The following ZNF274 variants were observed in gnomAD, a reference collection of about 807,000 sequenced individuals.
ZNF274 encodes zinc finger protein 274.
In ZNF274, 23 loss-of-function variants were observed where a neutral mutation model predicts 42.5. The ratio of observed to expected loss-of-function variants is 0.54; its 90% CI spans 0.39 to 0.77. The LOEUF (loss-of-function observed/expected upper bound fraction) is 0.77. Ranked by LOEUF, ZNF274 falls within the 30% of genes least tolerant of loss-of-function variation. The pLI is 0.00. For synonymous variants in ZNF274, 292 were observed against 305.4 expected (o/e 0.96, Z 0.46); for missense variants, 679 against 806.5 (o/e 0.84, Z 1.91).
intron 4 of ZNF274, among the ~76,000 whole-genome samples, chr19:58,190,162 T>TC (rs1186013165): frequency 6.6e-6 from 1 of 150,746 alleles, no homozygotes; most frequent in African/African-American, 2.4e-5. Context: ...TTTTTTTTTT[T>TC]TTTTTTGAGA....
intron 4 of ZNF274, among the ~76,000 whole-genome samples, chr19:58,191,219 C>G (rs1468968820): frequency 6.6e-6 from 1 of 152,208 alleles, no homozygotes; most frequent in East Asian, 1.9e-4. Context: ...CTCACTGTAA[C>G]CTCTGCCTCC....
intron 4 of ZNF274, among the ~76,000 whole-genome samples, chr19:58,190,018 G>A (rs1265215001): frequency 6.6e-6 from 1 of 151,796 alleles, no homozygotes; most frequent in African/African-American, 2.4e-5. Flanking sequence ...AGCTGCTTGG[G>A]AGGCTGAGGC....
chr19:58,212,632 G>A lies in ZNF274; in HGVS notation c.1451G>A (p.Cys484Tyr), dbSNP rs763778810. The A allele has an allele frequency of 9.9e-6, 16 of 1,614,046 alleles. No individual in the cohort carries two copies. Among genetic ancestry groups the A allele is most frequent in the Non-Finnish European group, 1.3e-5 (15 of 1,179,898 alleles). The change falls in exon 8 of 8, where the codon TGT becomes TAT. Residue 484 changes from cysteine (C) to tyrosine (Y), a missense_variant. Cys to Tyr is a radical substitution (Grantham distance 194). Around this residue, in one of 2 missense-constraint regions of ZNF274, gnomAD observed 456 missense variants for 590.1 expected, o/e 0.77. Coordinates refer to ENST00000617501, the MANE Select transcript of ZNF274 (RefSeq NM_133502.3). The surrounding 1 kb of genome is among the most constrained non-coding windows in gnomAD (Gnocchi z 4.6). ...CAAAAGGCCAAGGAAGGCAATGGTTGTAGGAAAACCTTCAGTCGGAGTACT... is the reference window on the plus strand; with the variant it reads ...CAAAAGGCCAAGGAAGGCAATGGTTATAGGAAAACCTTCAGTCGGAGTACT... ...ERQKAKEGNGCRKTFSRSTKQ... is the reference protein window; with the variant it reads ...ERQKAKEGNGYRKTFSRSTKQ...
intron 4 of ZNF274, among the ~76,000 whole-genome samples, chr19:58,200,728 C>T (rs908962339): frequency 2.0e-5 from 3 of 152,292 alleles, no homozygotes; most frequent in African/African-American, 7.2e-5. Context: ...GCGTCAAGGA[C>T]ATGAAATAAC....
chr19:58,183,749 A>G, intron 1 of ZNF274, 172 bp from the exon 2 acceptor site: 10 of 495,214 alleles, frequency 2.0e-5, no homozygotes, highest in Admixed American at 7.5e-5. Context: ...CGGGGAGGGG[A>G]AAACTGGTCC....
rs916539509 is a variant in ZNF274, at chr19:58,207,552, A to G, written c.739+350A>G. Among the ~76,000 whole-genome samples the G allele has an allele frequency of 2.0e-5, 3 of 152,208 alleles. No individual in the cohort carries two copies. Among genetic ancestry groups the G allele is most frequent in the African/African-American group, 7.2e-5 (3 of 41,452 alleles). ...AGGAGAGACAGGGATTTGACAAATG[A>G]GAATGCATAGAAAAATGCTGGGACT... is the stretch of plus-strand genomic sequence containing the variant. On this transcript the variant is annotated intron_variant, in intron 5 of 7. Transcript: ENST00000617501. This position sits in a 1 kb window ranked among gnomAD's most constrained non-coding sequence, Gnocchi z 5.6.
chr19:58,187,542 C>T (rs1447397789), intron 4 of ZNF274, among the ~76,000 whole-genome samples: 1 of 152,080 alleles, frequency 6.6e-6, no homozygotes, highest in Non-Finnish European at 1.5e-5. Context: ...CGACCTCAGC[C>T]TTCCAGGTAG....
At chr19:58,183,650 A>G (rs1422615759) in intron 1 of ZNF274, 1 of 284,836 alleles carries the variant, frequency 3.5e-6, no homozygotes, top group Non-Finnish European at 6.7e-6. Flanking sequence ...GCCGCGGTGG[A>G]GAGAACAGAT....
chr19:58,200,831 G>A (rs1213623708), intron 4 of ZNF274, among the ~76,000 whole-genome samples: 1 of 152,142 alleles, frequency 6.6e-6, no homozygotes, highest in Non-Finnish European at 1.5e-5. Context: ...ATGAAGATAA[G>A]AGATTTAATT....
At position 58,189,677 on chromosome 19, in the gene ZNF274, C is replaced by T. The variant is rs80163911; in HGVS notation, c.256+2635C>T. Among the ~76,000 whole-genome samples the T allele has an allele frequency of 6.3e-3, 952 of 152,232 alleles. 11 individuals are homozygous for T. The highest frequency in any genetic ancestry group is 0.022 in the African/African-American group (922 of 41,534). ...CTATTTCTCCAGATGAACACTTATT[C>T]TCAGCTTGTCAGTGTTCATTGAGAA... On this transcript the variant is annotated intron_variant, in intron 4 of 7. Transcript: ENST00000617501.
chr19:58,187,069 AC>A (rs1355305461), intron 4 of ZNF274, 27 bp downstream of exon 4: 3 of 1,586,434 alleles, frequency 1.9e-6, no homozygotes, highest in Non-Finnish European at 2.6e-6. Flanking sequence ...GGAAGCCCCC[AC>A]AGGGAAGGGG....
At chr19:58,184,824 TAAGA>T (rs1372943356) in intron 2 of ZNF274, 1 of 152,038 alleles carries the variant, frequency 6.6e-6, no homozygotes, top group Non-Finnish European at 1.5e-5. Flanking sequence ...TTCAAATGAA[TAAGA>T]AATAGGGGGC....
chr19:58,211,903 A>G lies in ZNF274; in HGVS notation c.979+217A>G, dbSNP rs1240649176. ...CCGGTGAAGGAGTGATTTGCTATCT[A>G]TCTCCTGAGGGAGTATGAGAGAACA... On this transcript the variant is annotated intron_variant, in intron 7 of 7. Transcript: ENST00000617501. This position sits in a 1 kb window ranked among gnomAD's most constrained non-coding sequence, Gnocchi z 4.8. Among the ~76,000 whole-genome samples the G allele has an allele frequency of 2.6e-5, 4 of 152,176 alleles. No individual in the cohort carries two copies. Among genetic ancestry groups the G allele is most frequent in the African/African-American group, 4.8e-5 (2 of 41,448 alleles).
At position 58,207,253 on chromosome 19, in the gene ZNF274, A is replaced by G; in HGVS notation, c.739+51A>G. 1 of 1,546,690 alleles carries G rather than the reference A, an allele frequency of 6.5e-7. No individual in the cohort carries two copies. The highest frequency in any genetic ancestry group is 1.9e-5 in the Admixed American group (1 of 51,746). ...CAGCTTAATGAGGGTGTCTTGGAGT[A>G]CCCTGTGGGGGAGATAAGAACTCCA... On this transcript the variant is annotated intron_variant, in intron 5 of 7. Transcript: ENST00000617501. This position sits in a 1 kb window ranked among gnomAD's most constrained non-coding sequence, Gnocchi z 5.6.
intron 3 of ZNF274, 68 bp from the exon 4 acceptor site, chr19:58,186,879 C>T (rs1377276444): frequency 5.8e-6 from 8 of 1,376,494 alleles, no homozygotes; most frequent in East Asian, 2.4e-5. Context: ...ACGGCTTGTG[C>T]TGCAGTAGGA....
Position 58,206,711 on chromosome 19 carries a change from G to T in ZNF274, c.257-9G>T. The T allele has an allele frequency of 6.4e-7, 1 of 1,555,644 alleles. No homozygotes were observed. The highest frequency in any genetic ancestry group is 1.2e-5 in the South Asian group (1 of 84,196). On this transcript the variant is annotated splice_polypyrimidine_tract_variant and intron_variant, in intron 4 of 7. Transcript: ENST00000617501. The stretch of plus-strand genomic sequence containing the variant: ...TTCTCATTTGTCTTGCTCTGCTTTT[G>T]ACTTACAGAGTATCCTGAGCTCCAG...
chr19:58,212,486 C>T lies in ZNF274; in HGVS notation c.1305C>T (p.Asp435=). Residue 435 remains aspartate (D), a synonymous_variant, in exon 8 of 8, where the codon GAC becomes GAT. Transcript: ENST00000617501. This position sits in a 1 kb window ranked among gnomAD's most constrained non-coding sequence, Gnocchi z 4.6. ...PESQANSGAL[D]TNQVLLHKIP... ...CCCAGGCAAACAGTGGCGCTCTTGA[C>T]ACAAACCAAGTTTTGCTCCACAAAA... The T allele has an allele frequency of 6.2e-7, 1 of 1,613,892 alleles. No homozygotes were observed. Among genetic ancestry groups the T allele is most frequent in the African/African-American group, 1.3e-5 (1 of 74,986 alleles).
intron 3 of ZNF274, 178 bp downstream of exon 3, chr19:58,186,016 G>C: frequency 2.4e-6 from 1 of 415,588 alleles, no homozygotes; most frequent in Non-Finnish European, 4.1e-6. Flanking sequence ...AGGGAGATGG[G>C]TCTGTCAGGG....
intron 2 of ZNF274, 160 bp downstream of exon 2, chr19:58,184,158 A>C: frequency 1.3e-6 from 1 of 756,244 alleles, no homozygotes; most frequent in Non-Finnish European, 2.1e-6. Context: ...GTGATGGTGG[A>C]ACCGCAGGTT....
Sources: gnomAD v4.1 joint callset for allele counts (sites outside exome capture counted in the v4.1 genomes callset) on GRCh38, gnomAD v4.1.1 for gene constraint, gnomAD v4.1.1 regional missense constraint, Gnocchi (gnomAD v3.1) non-coding constraint, MANE v1.5 for transcripts, NCBI Gene and HGNC (gene_info 2026-07-23, HGNC 2026-07-21) for gene names.